Variants in CFAP47 observed in about 807,000 individuals in gnomAD.
CFAP47 encodes cilia and flagella associated protein 47.
A neutral mutation model predicts 148.1 loss-of-function variants in CFAP47; 29 were observed. The observed-to-expected ratio is 0.20, with a 90% confidence interval of 0.15 to 0.27. The LOEUF (loss-of-function observed/expected upper bound fraction) is 0.27, where lower values mean the gene tolerates loss of function less well. CFAP47 is among the 10% of genes least tolerant of loss of function. CFAP47 has a pLI of 1.00. For missense variants in CFAP47, 1,872 were observed against 1,697.5 expected (o/e 1.10, Z -1.81); for synonymous variants, 664 against 577.3 (o/e 1.15, Z -2.15).
At chrX:36,150,836 T>G (rs1213218545) in intron 37 of CFAP47, among the ~76,000 whole-genome samples, 2 of 111,656 alleles carry the variant, frequency 1.8e-5, no homozygotes, top group African/African-American at 6.5e-5. Context: ...TAGAATAAAA[T>G]TCCTTGTATA....
At chrX:36,271,733 A>G (rs1172603322) in intron 49 of CFAP47, among the ~76,000 whole-genome samples, 1 of 111,942 alleles carries the variant, frequency 8.9e-6, no homozygotes, top group Non-Finnish European at 1.9e-5. Context: ...AAGAGACCCA[A>G]TGAAAGCAAT....
In CFAP47 at chrX:36,341,753, A is replaced by C. The variant is rs1348946501; in HGVS notation, c.8444-6376A>C. The stretch of plus-strand genomic sequence containing the variant: ...GCAAAGCACAAATAATAATAATAAT[A>C]ATGTCATTATTTTTAGTATTCCTGA... On this transcript the variant is annotated intron_variant, in intron 57 of 63. Coordinates refer to ENST00000378653, the MANE Select transcript of CFAP47 (RefSeq NM_001304548.2). 3.6e-5 allele frequency among the ~76,000 whole-genome samples: 4 copies of C among 111,032 alleles called. No individual in the cohort carries two copies. In the Admixed American group the frequency reaches 3.8e-4, roughly 11 times the overall value.
chrX:36,130,447 G>A (rs1276680107), intron 33 of CFAP47, among the ~76,000 whole-genome samples: 1 of 111,160 alleles, frequency 9.0e-6, no homozygotes, highest in Non-Finnish European at 1.9e-5. Flanking sequence ...AGGATGTGGA[G>A]AAAAGAGAGT....
chrX:36,073,279 G>A lies in CFAP47; in HGVS notation c.4606G>A (p.Val1536Ile). Residue 1536 changes from valine (V) to isoleucine (I), a missense_variant, in exon 29 of 64, where the codon GTT becomes ATT. Transcript: ENST00000378653. The stretch of plus-strand genomic sequence containing the variant: ...AAAGGCACACTACTTTTTTGAGAAG[G>A]TTGTAAATGCAGCACAGACCTGGTT... ...GTKAHYFFEK[V>I]VNAAQTWFSL... 1 of 1,210,295 alleles carries A rather than the reference G, an allele frequency of 8.3e-7. No individual in the cohort carries two copies. Among genetic ancestry groups the A allele is most frequent in the Non-Finnish European group, 1.1e-6 (1 of 894,634 alleles).
chrX:36,012,303 A>G (rs974341410), intron 21 of CFAP47, among the ~76,000 whole-genome samples: 21 of 111,696 alleles, frequency 1.9e-4, no homozygotes, highest in African/African-American at 6.8e-4. Flanking sequence ...TGACCCAGCA[A>G]TTCCATTACT....
intron 30 of CFAP47, among the ~76,000 whole-genome samples, chrX:36,086,830 G>C (rs1042446921): frequency 9.0e-6 from 1 of 110,706 alleles, no homozygotes; most frequent in Non-Finnish European, 1.9e-5. Flanking sequence ...TTAGAGGGAC[G>C]CCACTGGAGA....
At position 36,310,977 on chromosome X, in the gene CFAP47, A is replaced by G; in HGVS notation, c.8332A>G (p.Ile2778Val). The part of the protein sequence containing the change: ...NPTMEDVLID[I>V]ILTSVEHPRN... ...CACAATGGAAGATGTCCTCATTGAT[A>G]TAATACTGACAAGTAAGTTGTTTTT... is the stretch of plus-strand genomic sequence containing the variant. The change falls in exon 56 of 64, where the codon ATA becomes GTA. Residue 2778 changes from isoleucine (I) to valine (V), a missense_variant. By Grantham distance (29) the Ile-to-Val change is conservative (BLOSUM62 3). Transcript: ENST00000378653. 1 of 1,090,878 alleles carries G rather than the reference A, an allele frequency of 9.2e-7. No individual in the cohort carries two copies. The highest frequency in any genetic ancestry group is 2.5e-4 in the Middle Eastern group (1 of 4,036). The allele number at this position is 1,090,878 out of a possible 1,213,427, so 89.9% of individuals were successfully genotyped here. A position where few individuals can be genotyped will look rare whatever the true frequency, so the allele number is the denominator to read the frequency against.
At chrX:36,157,775 T>G (rs955675749) in intron 37 of CFAP47, among the ~76,000 whole-genome samples, 2 of 111,081 alleles carry the variant, frequency 1.8e-5, no homozygotes, top group African/African-American at 3.3e-5. Context: ...ATGAAAGAAT[T>G]AATGGATAAA....
chrX:36,287,987 C>T (rs1010227075), intron 51 of CFAP47, among the ~76,000 whole-genome samples: 1 of 111,806 alleles, frequency 8.9e-6, no homozygotes, highest in Non-Finnish European at 1.9e-5. Flanking sequence ...TCAGATGAAT[C>T]ATTTGAGAAA....
intron 51 of CFAP47, among the ~76,000 whole-genome samples, chrX:36,288,999 C>CTTTTTTTTT (rs34230885): frequency 5.7e-4 from 38 of 66,386 alleles, no homozygotes; most frequent in Non-Finnish European, 7.0e-4. Context: ...TTCTTTCATC[C>CTTTTTTTTT]TTTTTTTTTT....
chrX:36,098,993 G>A (rs918141831), intron 31 of CFAP47, 119 bp downstream of exon 31: 5 of 316,770 alleles, frequency 1.6e-5, no homozygotes, highest in South Asian at 1.2e-4. Flanking sequence ...AATATTATTA[G>A]GATCATAATT....
At position 35,951,379 on chromosome X, in the gene CFAP47, G is replaced by T; in HGVS notation, c.885+20G>T. 1 of 986,245 alleles carries T rather than the reference G, an allele frequency of 1.0e-6. No individual in the cohort carries two copies. Among genetic ancestry groups the T allele is most frequent in the African/African-American group, 1.9e-5 (1 of 53,379 alleles). The allele number at this position is 986,245 out of a possible 1,213,427, so 81.3% of individuals were successfully genotyped here. The stretch of plus-strand genomic sequence containing the variant: ...GAATTGGTAAGTAAGTGGTGCGACA[G>T]GGATATCAGATATTATGACTTAAAA... On this transcript the variant is annotated intron_variant, in intron 5 of 63. Coordinates refer to ENST00000378653, the MANE Select transcript of CFAP47 (RefSeq NM_001304548.2).
intron 37 of CFAP47, among the ~76,000 whole-genome samples, chrX:36,151,756 C>G: frequency 8.9e-6 from 1 of 111,939 alleles, no homozygotes; most frequent in Non-Finnish European, 1.9e-5. Flanking sequence ...TATTTCTAAG[C>G]AATCCTGAAG....
chrX:36,031,857 A>G (rs1280563947), intron 23 of CFAP47, among the ~76,000 whole-genome samples: 3 of 110,622 alleles, frequency 2.7e-5, no homozygotes, highest in Non-Finnish European at 5.7e-5. Flanking sequence ...AGCTCAGCAC[A>G]CATTATAGAA....
intron 45 of CFAP47, among the ~76,000 whole-genome samples, chrX:36,208,882 C>T (rs1278243732): frequency 1.8e-5 from 2 of 110,730 alleles, no homozygotes; most frequent in Non-Finnish European, 3.8e-5. Flanking sequence ...AGGAGAATTG[C>T]TAGAACCTGG....
chrX:36,165,112 A>G (rs1358276537), intron 39 of CFAP47, among the ~76,000 whole-genome samples: 1 of 112,022 alleles, frequency 8.9e-6, no homozygotes, highest in Admixed American at 9.5e-5. Context: ...CCACGTTGTT[A>G]CAGATGCAAG....
chrX:36,074,217 T>C (rs1937807385), intron 29 of CFAP47, among the ~76,000 whole-genome samples: 2 of 112,253 alleles, frequency 1.8e-5, no homozygotes, highest in African/African-American at 6.5e-5. Context: ...TGAAAATTTA[T>C]AGTTTTCATC....
chrX:36,354,111 T>A (rs1417561655), intron 60 of CFAP47, among the ~76,000 whole-genome samples: 4 of 112,129 alleles, frequency 3.6e-5, no homozygotes, highest in African/African-American at 1.3e-4. Context: ...AAATTAGATA[T>A]AATATCCAAA....
At chrX:36,072,522 T>C (rs756231588) in intron 28 of CFAP47, among the ~76,000 whole-genome samples, 1 of 112,238 alleles carries the variant, frequency 8.9e-6, no homozygotes, top group Admixed American at 9.5e-5. Flanking sequence ...CAAATATTTA[T>C]TTCTCTGGAT....
Sources: gnomAD v4.1 joint callset for allele counts (sites outside exome capture counted in the v4.1 genomes callset) on GRCh38, gnomAD v4.1.1 for gene constraint, MANE v1.5 for transcripts, NCBI Gene and HGNC (gene_info 2026-07-23, HGNC 2026-07-21) for gene names.